TRIM13: variants seen among roughly 807,000 people sequenced by gnomAD.
TRIM13 encodes the protein tripartite motif containing 13, also known as E3 ubiquitin-protein ligase TRIM13.
TRIM13 carries 15 observed loss-of-function variants against 27.1 expected under a neutral mutation model. That is an observed-to-expected ratio of 0.55 (90% confidence interval 0.37 to 0.85). TRIM13 has a LOEUF of 0.85. Ranked by LOEUF, TRIM13 falls within the 40% of genes least tolerant of loss-of-function variation. TRIM13 has a pLI of 0.00. For missense variants in TRIM13, 402 were observed against 472.2 expected (o/e 0.85, Z 1.38); for synonymous variants, 193 against 171.5 (o/e 1.13, Z -0.98).
At chr13:50,000,895 T>C (rs1594556273) in intron 1 of TRIM13, 1 of 152,348 alleles carries the variant, frequency 6.6e-6, no homozygotes, top group East Asian at 1.9e-4. Flanking sequence ...TCTACACAGA[T>C]TTCTAAGTGT....
intron 1 of TRIM13, among the ~76,000 whole-genome samples, chr13:49,998,748 G>T (rs1162739758): frequency 6.6e-6 from 1 of 151,910 alleles, no homozygotes; most frequent in Non-Finnish European, 1.5e-5. Flanking sequence ...GACCAATATG[G>T]TGAAATCCCA....
rs562505106 is a variant in TRIM13, at chr13:50,014,395, A to G, written c.*1231A>G. ...CACACACATATGTACACATACATATATATACATATATATGTATATATAGAA... is the reference window on the plus strand; with the variant it reads ...CACACACATATGTACACATACATATGTATACATATATATGTATATATAGAA... On this transcript the variant is annotated 3_prime_UTR_variant, in exon 2 of 2. Transcript: ENST00000378182. 3.0e-4 allele frequency: 48 copies of G among 159,074 alleles called. No homozygotes were observed. Among genetic ancestry groups the G allele is most frequent in the South Asian group, 6.5e-4 (3 of 4,604 alleles). The allele number at this position is 159,074 out of a possible 1,614,324, so 9.9% of individuals were successfully genotyped here.
chr13:50,011,189 G>A (rs1394593980), intron 1 of TRIM13, among the ~76,000 whole-genome samples: 4 of 152,172 alleles, frequency 2.6e-5, no homozygotes, highest in Non-Finnish European at 5.9e-5. Flanking sequence ...GGTGCAAAAA[G>A]CAAGTAACAT....
Position 50,015,796 on chromosome 13 carries a change from C to T in TRIM13, c.*2632C>T. On this transcript the variant is annotated 3_prime_UTR_variant, in exon 2 of 2. Transcript: ENST00000378182. ...CTCTAGTTGATCTCTTAAACCCATA[C>T]CTGCTACAGCCAAGACCTGCTCTTG... 2.5e-6 allele frequency: 4 copies of T among 1,614,090 alleles called. No homozygotes were observed. The highest frequency in any genetic ancestry group is 3.4e-6 in the Non-Finnish European group (4 of 1,179,982).
At position 50,013,374 on chromosome 13, in the gene TRIM13, C is replaced by A; in HGVS notation, c.*210C>A. On this transcript the variant is annotated 3_prime_UTR_variant, in exon 2 of 2. Transcript: ENST00000378182. ...GAACCTTTTTTTGTTTAAAAGAGTGCTTTTGAAATAAGCATCCACCCCAAA... is the reference window on the plus strand; with the variant it reads ...GAACCTTTTTTTGTTTAAAAGAGTGATTTTGAAATAAGCATCCACCCCAAA... 2.3e-6 allele frequency: 1 copy of A among 435,050 alleles called. No homozygotes were observed. 26.9% of individuals were successfully genotyped at this position (435,050 alleles called of 1,614,324 possible).
intron 1 of TRIM13, among the ~76,000 whole-genome samples, chr13:49,998,224 A>T (rs1020820616): frequency 1.2e-4 from 18 of 152,294 alleles, no homozygotes; most frequent in Admixed American, 6.5e-4. Context: ...GAGCGTCCCT[A>T]TCCCTCCCTA....
chr13:50,008,823 C>G (rs1875160900), intron 1 of TRIM13, among the ~76,000 whole-genome samples: 1 of 150,820 alleles, frequency 6.6e-6, no homozygotes, highest in Non-Finnish European at 1.5e-5. Flanking sequence ...TGAGACTAGC[C>G]TAGGCAATAT....
chr13:50,015,097 ATATAT>A lies in TRIM13; in HGVS notation c.*1934_*1938del, dbSNP rs1876323250. On this transcript the variant is annotated 3_prime_UTR_variant, in exon 2 of 2. Coordinates refer to ENST00000378182, the MANE Select transcript of TRIM13 (RefSeq NM_213590.3). ...TAATAAAAAAAAAAAAAAAAAAAAT[ATATAT>A]ATATATATATATATATATATATATA... 1.5e-3 allele frequency: 5 copies of A among 3,416 alleles called. No homozygotes were observed. The highest frequency in any genetic ancestry group is 2.5e-3 in the African/African-American group (4 of 1,578). 0.2% of individuals were successfully genotyped at this position (3,416 alleles called of 1,614,324 possible). A position where few individuals can be genotyped will look rare whatever the true frequency, so the allele number is the denominator to read the frequency against.
At position 50,012,886 on chromosome 13, in the gene TRIM13, A is replaced by AAGTT. The variant is rs749754403; in HGVS notation, c.948_951dup (p.Phe318ValfsTer26). On this transcript the variant is annotated frameshift_variant, in exon 2 of 2. Coordinates refer to ENST00000378182, the MANE Select transcript of TRIM13 (RefSeq NM_213590.3). LOFTEE classifies it high-confidence loss of function. ...TAGCAAGATTCCCTGGAGCTTTTAT[A>AAGTT]AGTTATTTTTGCTAATCCTTCTGCT... The AAGTT allele has an allele frequency of 1.2e-6, 2 of 1,613,972 alleles. No homozygotes were observed.
rs879170111 is a variant in TRIM13 at position 50,014,360 on chromosome 13, T to TATATATATATACAC, written c.*1197_*1198insTATATATATACACA. ...AAAAAAAAAAATATATATATATATA[T>TATATATATATACAC]ACACACACACACACACATATGTACA... On this transcript the variant is annotated 3_prime_UTR_variant, in exon 2 of 2. Coordinates refer to ENST00000378182, the MANE Select transcript of TRIM13 (RefSeq NM_213590.3). The TATATATATATACAC allele has an allele frequency of 2.6e-3, 153 of 58,506 alleles. 6 individuals are homozygous for TATATATATATACAC. The highest frequency in any genetic ancestry group is 0.023 in the East Asian group (25 of 1,074). 3.6% of individuals were successfully genotyped at this position (58,506 alleles called of 1,614,324 possible).
At chr13:50,002,068 A>C (rs1029253031) in intron 1 of TRIM13, among the ~76,000 whole-genome samples, 2 of 152,138 alleles carry the variant, frequency 1.3e-5, no homozygotes, top group Non-Finnish European at 2.9e-5. Context: ...GACTTCCAGT[A>C]ATACATTAAA....
At chr13:50,010,038 A>G (rs1002359164) in intron 1 of TRIM13, among the ~76,000 whole-genome samples, 3 of 143,236 alleles carry the variant, frequency 2.1e-5, no homozygotes, top group African/African-American at 7.9e-5. Flanking sequence ...AGGTAATTTA[A>G]TCTTTTTTTT....
chr13:50,005,081 G>GA (rs565306692), intron 1 of TRIM13, among the ~76,000 whole-genome samples: 14 of 149,470 alleles, frequency 9.4e-5, no homozygotes, highest in Admixed American at 4.0e-4. Context: ...CCTCTCAAAA[G>GA]AAAAAAAAAC....
chr13:49,999,127 T>C (rs1873675912), intron 1 of TRIM13, among the ~76,000 whole-genome samples: 1 of 151,154 alleles, frequency 6.6e-6, no homozygotes, highest in African/African-American at 2.4e-5. Flanking sequence ...CGCTCCCTTT[T>C]CCTTGTCACC....
intron 1 of TRIM13, among the ~76,000 whole-genome samples, chr13:50,010,123 A>C (rs1021613411): frequency 1.5e-4 from 21 of 138,108 alleles, no homozygotes; most frequent in African/African-American, 5.8e-4. Flanking sequence ...ATCTCGGCTC[A>C]CTGCAGCCTC....
rs1165199194 is a variant in TRIM13 at position 50,014,573 on chromosome 13, ACAGT to A, written c.*1411_*1414del. 9.0e-5 allele frequency: 15 copies of A among 166,746 alleles called. No homozygotes were observed. In the East Asian group the frequency reaches 2.9e-3, roughly 32 times the overall value. 10.3% of individuals were successfully genotyped at this position (166,746 alleles called of 1,614,324 possible). On this transcript the variant is annotated 3_prime_UTR_variant, in exon 2 of 2. Coordinates refer to ENST00000378182, the MANE Select transcript of TRIM13 (RefSeq NM_213590.3). ...TAAGACTAATTTGACAACAGATAAA[ACAGT>A]CTGTCAGCTATTACAAAGTAATCAG...
At position 50,000,822 on chromosome 13, in the gene TRIM13, C is replaced by T. The variant is rs949275519; in HGVS notation, c.-7+3059C>T. 4.6e-5 allele frequency among the ~76,000 whole-genome samples: 7 copies of T among 152,152 alleles called. No homozygotes were observed. In the East Asian group the frequency reaches 1.3e-3, roughly 29 times the overall value. ...CTAGTTGCATGGATAACTTCGGTTTCAGTATGGTGTCAATATTTTATGGTT... is the reference window on the plus strand; with the variant it reads ...CTAGTTGCATGGATAACTTCGGTTTTAGTATGGTGTCAATATTTTATGGTT... On this transcript the variant is annotated intron_variant, in intron 1 of 1. Coordinates refer to ENST00000378182, the MANE Select transcript of TRIM13 (RefSeq NM_213590.3).
At chr13:50,010,040 C>CTTTTT (rs760914119) in intron 1 of TRIM13, among the ~76,000 whole-genome samples, 3 of 117,162 alleles carry the variant, frequency 2.6e-5, no homozygotes, top group Non-Finnish European at 3.5e-5. Context: ...GTAATTTAAT[C>CTTTTT]TTTTTTTTTT....
At chr13:50,011,823 T>A in intron 1 of TRIM13, 112 bp from the exon 2 acceptor site, 1 of 1,296,424 alleles carries the variant, frequency 7.7e-7, no homozygotes, top group African/African-American at 1.5e-5. Context: ...TTTGTTTGGC[T>A]GGTTATTTCA....
Sources: gnomAD v4.1 joint callset for allele counts (sites outside exome capture counted in the v4.1 genomes callset) on GRCh38, gnomAD v4.1.1 for gene constraint, MANE v1.5 for transcripts, NCBI Gene and HGNC (gene_info 2026-07-23, HGNC 2026-07-21) for gene names.